GALNT2: variants seen among roughly 807,000 people sequenced by gnomAD.
GALNT2 encodes the protein UDP-GalNAc:polypeptide N-acetylgalactosaminyltransferase 2.
In GALNT2, 31 loss-of-function variants were observed where a neutral mutation model predicts 81.4. The observed-to-expected ratio is 0.38, with a 90% CI of 0.29 to 0.51. The LOEUF is 0.51. GALNT2 is among the 20% of genes least tolerant of loss of function. GALNT2 has a pLI of 0.87. For synonymous variants in GALNT2, 303 were observed against 287.4 expected (o/e 1.05, Z -0.55); for missense variants, 629 against 765.7 (o/e 0.82, Z 2.11).
At chr1:230,277,985 TA>T (rs1250984089) in intron 15 of GALNT2, among the ~76,000 whole-genome samples, 1 of 149,898 alleles carries the variant, frequency 6.7e-6, no homozygotes, top group African/African-American at 2.5e-5. Flanking sequence ...GCACACAGTA[TA>T]AAAAATTAAT....
chr1:230,208,453 GT>G lies in GALNT2; in HGVS notation c.374+5164del, dbSNP rs756673187. ...GACATGTTAATGCTGCTCAGTGTAG[GT>G]GGACCTGTTTTGTAGGTGGTGGGAT... On this transcript the variant is annotated intron_variant, in intron 3 of 15. Transcript: ENST00000366672. 8.5e-4 allele frequency among the ~76,000 whole-genome samples: 129 copies of G among 152,304 alleles called. 1 individual carries two copies. Among genetic ancestry groups the G allele is most frequent in the Middle Eastern group, 3.4e-3 (1 of 292 alleles).
chr1:230,256,360 C>T (rs1665715434), intron 11 of GALNT2, among the ~76,000 whole-genome samples: 1 of 151,574 alleles, frequency 6.6e-6, no homozygotes, highest in African/African-American at 2.4e-5. Flanking sequence ...GCAGGAAAAT[C>T]GCTTGAACTC....
rs931874757 is a variant in GALNT2, at chr1:230,281,095, G to A, written c.*1637G>A. The A allele has an allele frequency of 2.6e-5, 4 of 152,290 alleles. No homozygotes were observed. The highest frequency in any genetic ancestry group is 4.4e-5 in the Non-Finnish European group (3 of 68,112). The allele number at this position is 152,290 out of a possible 1,614,324, so 9.4% of individuals were successfully genotyped here. ...CCTGCAGGCCCCTCGGTGGGACAGC[G>A]GCGGCCTTGGAGTTAGGAGCCACCC... is the stretch of plus-strand genomic sequence containing the variant. On this transcript the variant is annotated 3_prime_UTR_variant, in exon 16 of 16. Coordinates refer to ENST00000366672, the MANE Select transcript of GALNT2 (RefSeq NM_004481.5).
At chr1:230,088,788 C>T (rs1417855221) in intron 1 of GALNT2, among the ~76,000 whole-genome samples, 1 of 152,090 alleles carries the variant, frequency 6.6e-6, no homozygotes, top group African/African-American at 2.4e-5. Flanking sequence ...CCACCTGCCT[C>T]AGCCTTCCAA....
At chr1:230,183,805 C>G (rs1663232346) in intron 2 of GALNT2, among the ~76,000 whole-genome samples, 1 of 152,036 alleles carries the variant, frequency 6.6e-6, no homozygotes, top group Admixed American at 6.5e-5. Context: ...TGGTGAAACC[C>G]TGTCTCTACA....
intron 3 of GALNT2, among the ~76,000 whole-genome samples, chr1:230,212,148 G>A (rs4846844): frequency 0.073 from 11,089 of 152,182 alleles, 996 homozygotes; most frequent in East Asian, 0.36. Context: ...TGAGCCACTT[G>A]CCTGAGTTCT....
intron 3 of GALNT2, among the ~76,000 whole-genome samples, chr1:230,212,310 C>A (rs926411579): frequency 2.6e-5 from 4 of 152,018 alleles, no homozygotes; most frequent in African/African-American, 9.7e-5. Context: ...CCTGAATGCA[C>A]CTAAAAAATG....
intron 3 of GALNT2, among the ~76,000 whole-genome samples, chr1:230,232,965 T>C (rs1167657743): frequency 1.3e-5 from 2 of 152,226 alleles, no homozygotes; most frequent in African/African-American, 4.8e-5. Flanking sequence ...ACAATAACTA[T>C]AATAAAAGAA....
At chr1:230,148,489 G>A (rs933072110) in intron 1 of GALNT2, among the ~76,000 whole-genome samples, 7 of 152,252 alleles carry the variant, frequency 4.6e-5, no homozygotes, top group Non-Finnish European at 7.3e-5. Flanking sequence ...CTGCAGAGGC[G>A]GCTCCACGCC....
At chr1:230,087,601 G>A (rs1458946250) in intron 1 of GALNT2, among the ~76,000 whole-genome samples, 2 of 152,228 alleles carry the variant, frequency 1.3e-5, no homozygotes, top group Non-Finnish European at 2.9e-5. Context: ...GTCTGGCTGT[G>A]GGGCCCAAGT....
chr1:230,161,763 A>G (rs1558117373), intron 1 of GALNT2, among the ~76,000 whole-genome samples: 2 of 152,182 alleles, frequency 1.3e-5, no homozygotes, highest in African/African-American at 2.4e-5. Context: ...TGTGAAGTTA[A>G]TTGAGACTAT....
chr1:230,180,856 T>G (rs1223822651), intron 2 of GALNT2, among the ~76,000 whole-genome samples: 1 of 152,220 alleles, frequency 6.6e-6, no homozygotes, highest in African/African-American at 2.4e-5. Context: ...TTTTTCATTT[T>G]GGGAGTTTCT....
chr1:230,090,928 TG>T (rs1229368603), intron 1 of GALNT2, among the ~76,000 whole-genome samples: 2 of 152,118 alleles, frequency 1.3e-5, no homozygotes, highest in Non-Finnish European at 2.9e-5. Context: ...GAGTTATCAA[TG>T]GGGGATTGGG....
At chr1:230,094,408 G>A (rs1660183862) in intron 1 of GALNT2, among the ~76,000 whole-genome samples, 1 of 152,134 alleles carries the variant, frequency 6.6e-6, no homozygotes, top group South Asian at 2.1e-4. Context: ...TGGGAGGCGG[G>A]TGGATTACCT....
intron 3 of GALNT2, among the ~76,000 whole-genome samples, chr1:230,219,774 TA>T (rs1318322441): frequency 6.6e-6 from 1 of 152,216 alleles, no homozygotes; most frequent in African/African-American, 2.4e-5. Flanking sequence ...ACTGCCCTTC[TA>T]AACCTTTCTA....
In GALNT2 at chr1:230,071,549, C is replaced by T. The variant is rs1340501514; in HGVS notation, c.126+4143C>T. ...TGCCCCTCTTGTTAGAAGGGCAGGTCGCTGTGATCCCTGGAAGCATGCATG... is the reference window on the plus strand; with the variant it reads ...TGCCCCTCTTGTTAGAAGGGCAGGTTGCTGTGATCCCTGGAAGCATGCATG... On this transcript the variant is annotated intron_variant, in intron 1 of 15. Coordinates refer to ENST00000366672, the MANE Select transcript of GALNT2 (RefSeq NM_004481.5). 5.3e-5 allele frequency among the ~76,000 whole-genome samples: 8 copies of T among 152,252 alleles called. No homozygotes were observed. The South Asian group carries it at 6.2e-4, about 12-fold the overall frequency.
intron 1 of GALNT2, among the ~76,000 whole-genome samples, chr1:230,082,486 T>C (rs1198644839): frequency 6.6e-6 from 1 of 152,250 alleles, no homozygotes; most frequent in Non-Finnish European, 1.5e-5. Flanking sequence ...GGAGTTGGCC[T>C]ACCTTGGAGA....
At chr1:230,112,639 C>A (rs983253140) in intron 1 of GALNT2, among the ~76,000 whole-genome samples, 1 of 152,070 alleles carries the variant, frequency 6.6e-6, no homozygotes, top group Non-Finnish European at 1.5e-5. Flanking sequence ...TAAACAGAGG[C>A]CTTTTCTCTT....
chr1:230,061,798 C>T (rs1368863842), intron 1 of GALNT2, among the ~76,000 whole-genome samples: 1 of 152,080 alleles, frequency 6.6e-6, no homozygotes, highest in Non-Finnish European at 1.5e-5. Context: ...GTGTGTTTTG[C>T]CAAAATATGC....
Sources: allele counts gnomAD v4.1 joint callset (sites outside exome capture counted in the v4.1 genomes callset), GRCh38; gene constraint gnomAD v4.1.1; transcripts MANE v1.5; gene names NCBI Gene and HGNC (gene_info 2026-07-23, HGNC 2026-07-21).